The following SRSF12 variants were observed in gnomAD, a reference collection of about 807,000 sequenced individuals.
SRSF12 encodes the protein serine/arginine-rich splicing factor 12.
Under a neutral mutation model 34.1 loss-of-function variants are expected in SRSF12, and 21 were observed. The observed-to-expected ratio is 0.62, with a 90% CI of 0.44 to 0.89. The LOEUF is 0.89. SRSF12 is among the 40% of genes least tolerant of loss of function. The probability of loss-of-function intolerance (pLI) is 0.00; values close to 1 mark genes in which losing one functional copy is unlikely to be tolerated. For missense variants in SRSF12, 278 were observed against 327.8 expected, an observed-to-expected ratio of 0.85 and a Z score of 1.17; for synonymous variants, 111 against 110.8, an observed-to-expected ratio of 1.00 and a Z score of -0.01.
chr6:89,104,628 G>A (rs926774514), intron 4 of SRSF12, among the ~76,000 whole-genome samples: 1 of 151,882 alleles, frequency 6.6e-6, no homozygotes, highest in Non-Finnish European at 1.5e-5. Flanking sequence ...TTTAACAGAA[G>A]AATTAATCCC....
chr6:89,109,406 C>T (rs1479887505), intron 1 of SRSF12, among the ~76,000 whole-genome samples: 12 of 152,060 alleles, frequency 7.9e-5, no homozygotes, highest in South Asian at 4.1e-4. Context: ...AAAAAGAATA[C>T]ATTACTGTTA....
chr6:89,105,239 T>C lies in SRSF12; in HGVS notation c.296A>G (p.Lys99Arg), dbSNP rs1225079050. 5 of 1,610,934 alleles carry C rather than the reference T, an allele frequency of 3.1e-6. 1 individual carries two copies. In the South Asian group the frequency reaches 5.5e-5, roughly 18 times the overall value. ...DRKTPGQMKS[K>R]ERHPCSPSDH... is the part of the protein sequence containing the mutation. The stretch of plus-strand genomic sequence containing the variant: ...ACTTGGAGAACAAGGATGACGTTCT[T>C]TTGATTTCATTTGGCCTGGTGCTGG... Residue 99 changes from lysine (K) to arginine (R), a missense_variant, in exon 4 of 5, where the codon AAA becomes AGA. By Grantham distance (26) the Lys-to-Arg change is conservative. Transcript: ENST00000452027.
At chr6:89,117,469 T>G (rs1769359889) in intron 1 of SRSF12, among the ~76,000 whole-genome samples, 1 of 152,172 alleles carries the variant, frequency 6.6e-6, no homozygotes, top group African/African-American at 2.4e-5. Flanking sequence ...GGGCACTCGC[T>G]GGAGCGCAAA....
rs1768284292 is a variant in SRSF12 at position 89,096,231 on chromosome 6, AG to A, written c.*2346del. On this transcript the variant is annotated 3_prime_UTR_variant, in exon 5 of 5. Transcript: ENST00000452027. Reference sequence around the variant, plus strand: ...AAAGACTTCTCTTTGCAAAAGACATAGGAACAGCAGTCAGGAAGAGGACTCT... The same window carrying A: ...AAAGACTTCTCTTTGCAAAAGACATAGAACAGCAGTCAGGAAGAGGACTCT... The A allele has an allele frequency of 2.0e-5, 3 of 152,240 alleles. No homozygotes were observed. The highest frequency in any genetic ancestry group is 2.0e-4 in the Admixed American group (3 of 15,282). The allele number at this position is 152,240 out of a possible 1,614,324, so 9.4% of individuals were successfully genotyped here.
In SRSF12 at chr6:89,111,471, TATAGAA is replaced by T. The variant is rs1410260802; in HGVS notation, c.66-4219_66-4214del. Among the ~76,000 whole-genome samples the T allele has an allele frequency of 7.9e-5, 12 of 152,344 alleles. No homozygotes were observed. In the South Asian group the frequency reaches 8.3e-4, roughly 11 times the overall value. On this transcript the variant is annotated intron_variant, in intron 1 of 4. Transcript: ENST00000452027. ...TGTTTTCAATTGTTTGCTGTTAATATATAGAAATAAAGTTTTTGTAAATTTACCTTA... is the reference window on the plus strand; with the variant it reads ...TGTTTTCAATTGTTTGCTGTTAATATATAAAGTTTTTGTAAATTTACCTTA...
intron 4 of SRSF12, among the ~76,000 whole-genome samples, chr6:89,102,647 G>A (rs552384068): frequency 1.5e-4 from 23 of 152,256 alleles, no homozygotes; most frequent in Admixed American, 4.6e-4. Context: ...GAGTTGAGGA[G>A]CAATTTTAAC....
chr6:89,107,423 AAAAG>A (rs1768845809), intron 1 of SRSF12, among the ~76,000 whole-genome samples, 165 bp from the exon 2 acceptor site: 1 of 152,164 alleles, frequency 6.6e-6, no homozygotes, highest in Non-Finnish European at 1.5e-5. Context: ...AGAAAGGGAA[AAAAG>A]AAAGGAAAAA....
In SRSF12 at chr6:89,117,933, TC is replaced by T; in HGVS notation, c.-47del. ...CCGGGTCTGCCCGCGGCCGCTGGAC[TC>T]GCTCCGTCTCCCGCTACCGCTGCTA... On this transcript the variant is annotated 5_prime_UTR_variant, in exon 1 of 5. Transcript: ENST00000452027. 12 of 1,528,110 alleles carry T rather than the reference TC, an allele frequency of 7.9e-6. No homozygotes were observed. Among genetic ancestry groups the T allele is most frequent in the Middle Eastern group, 1.7e-4 (1 of 5,740 alleles). The allele number at this position is 1,528,110 out of a possible 1,614,324, so 94.7% of individuals were successfully genotyped here. A position where few individuals can be genotyped will look rare whatever the true frequency, so the allele number is the denominator to read the frequency against.
At chr6:89,103,500 TG>T (rs1768631223) in intron 4 of SRSF12, among the ~76,000 whole-genome samples, 1 of 152,138 alleles carries the variant, frequency 6.6e-6, no homozygotes, top group African/African-American at 2.4e-5. Flanking sequence ...ACCTAATTTT[TG>T]TATTTTTAGT....
rs557432185 is a variant in SRSF12 at position 89,102,291 on chromosome 6, G to C, written c.416+2828C>G. ...CCCAAGTAGCTGGGATTACAGGCAC[G>C]TGCCACCATACCTGGCTAATTTTTG... On this transcript the variant is annotated intron_variant, in intron 4 of 4. Coordinates refer to ENST00000452027, the MANE Select transcript of SRSF12 (RefSeq NM_080743.5). Among the ~76,000 whole-genome samples, 12 of 152,068 alleles carry C rather than the reference G, an allele frequency of 7.9e-5. No individual in the cohort carries two copies. The East Asian group carries it at 2.3e-3, about 29-fold the overall frequency.
At chr6:89,113,648 T>C (rs1008634541) in intron 1 of SRSF12, among the ~76,000 whole-genome samples, 10 of 152,060 alleles carry the variant, frequency 6.6e-5, no homozygotes, top group Non-Finnish European at 1.0e-4. Context: ...TGTTAAAGCC[T>C]ATTTATTTAT....
chr6:89,107,391 A>C lies in SRSF12; in HGVS notation c.66-133T>G, dbSNP rs530812801. 131 of 664,522 alleles carry C rather than the reference A, an allele frequency of 2.0e-4. No homozygotes were observed. In the Middle Eastern group the frequency reaches 2.0e-3, roughly 10 times the overall value. 41.2% of individuals were successfully genotyped at this position (664,522 alleles called of 1,614,324 possible). On this transcript the variant is annotated intron_variant, in intron 1 of 4. Transcript: ENST00000452027. ...AGCATTATCTAAAATTGTTTTTTGT[A>C]AGAATCATGCAAGGTTTTGAAAGAA...
intron 4 of SRSF12, among the ~76,000 whole-genome samples, chr6:89,103,639 T>C (rs1288379466): frequency 6.6e-6 from 1 of 151,992 alleles, no homozygotes; most frequent in East Asian, 1.9e-4. Context: ...CCTGAATTTT[T>C]AGTAGAGACA....
intron 1 of SRSF12, among the ~76,000 whole-genome samples, chr6:89,115,075 C>T (rs948443302): frequency 1.3e-5 from 2 of 152,000 alleles, no homozygotes; most frequent in African/African-American, 2.4e-5. Flanking sequence ...GGATTATAGG[C>T]GTGAGCCACC....
chr6:89,098,106 A>G lies in SRSF12; in HGVS notation c.*472T>C, dbSNP rs1392753334. On this transcript the variant is annotated 3_prime_UTR_variant, in exon 5 of 5. Coordinates refer to ENST00000452027, the MANE Select transcript of SRSF12 (RefSeq NM_080743.5). ...AATTTTGTAATATGAACTAATATCC[A>G]CCAGGAATTGGCCCAAGTTTAAACA... The G allele has an allele frequency of 6.5e-6, 1 of 152,806 alleles. No individual in the cohort carries two copies. Among genetic ancestry groups the G allele is most frequent in the Non-Finnish European group, 1.5e-5 (1 of 68,534 alleles). 9.5% of individuals were successfully genotyped at this position (152,806 alleles called of 1,614,324 possible).
chr6:89,099,658 C>T lies in SRSF12; in HGVS notation c.417-711G>A, dbSNP rs375226986. On this transcript the variant is annotated intron_variant, in intron 4 of 4. Transcript: ENST00000452027. ...TTGAGCAATTCTTCTCTCTCAGCCT[C>T]CAGAGTAGCTGGGATTACAGGCATG... is the stretch of plus-strand genomic sequence containing the variant. Among the ~76,000 whole-genome samples the T allele has an allele frequency of 9.3e-4, 141 of 151,764 alleles. 1 individual carries two copies. The highest frequency in any genetic ancestry group is 3.2e-3 in the African/African-American group (134 of 41,366).
At chr6:89,103,721 A>G (rs1021851848) in intron 4 of SRSF12, among the ~76,000 whole-genome samples, 4 of 152,198 alleles carry the variant, frequency 2.6e-5, no homozygotes, top group African/African-American at 9.6e-5. Flanking sequence ...TGGCCTCCCA[A>G]AGTGCTGGGA....
At chr6:89,113,683 C>G (rs371958611) in intron 1 of SRSF12, among the ~76,000 whole-genome samples, 1 of 152,036 alleles carries the variant, frequency 6.6e-6, no homozygotes. Context: ...GAGTCTCACT[C>G]TCACCCCCGG....
At chr6:89,099,488 G>C (rs1193115118) in intron 4 of SRSF12, among the ~76,000 whole-genome samples, 1 of 135,040 alleles carries the variant, frequency 7.4e-6, no homozygotes, top group African/African-American at 3.0e-5. Context: ...ATATGTGTGT[G>C]TATATATATA....
Sources: allele counts gnomAD v4.1 joint callset (sites outside exome capture counted in the v4.1 genomes callset), GRCh38; gene constraint gnomAD v4.1.1; transcripts MANE v1.5; gene names NCBI Gene and HGNC (gene_info 2026-07-23, HGNC 2026-07-21).